PCBP3: variants seen among roughly 807,000 people sequenced by gnomAD.
PCBP3 encodes poly(rC)-binding protein 3.
In PCBP3, 25 loss-of-function variants were observed where a neutral mutation model predicts 52.7. That is an observed-to-expected ratio of 0.47 (90% CI 0.35 to 0.66). PCBP3 has a LOEUF of 0.66. Among genes scored for constraint, PCBP3 ranks in the 30% least tolerant of loss-of-function variants. The probability of loss-of-function intolerance (pLI) is 0.01; values close to 1 mark genes in which losing one functional copy is unlikely to be tolerated. For missense variants in PCBP3, 391 were observed against 490.3 expected (o/e 0.80, Z 1.91); for synonymous variants, 162 against 183.0 (o/e 0.89, Z 0.93).
At chr21:45,655,901 A>G (rs563746031) in intron 1 of PCBP3, among the ~76,000 whole-genome samples, 1 of 152,390 alleles carries the variant, frequency 6.6e-6, no homozygotes, top group Non-Finnish European at 1.5e-5. Flanking sequence ...AATGCTCATC[A>G]TAACTGGTCA....
intron 15 of PCBP3, 115 bp from the exon 16 acceptor site, chr21:45,935,138 T>G (rs2076746007): frequency 5.6e-6 from 4 of 709,982 alleles, no homozygotes; most frequent in Non-Finnish European, 9.9e-6. Context: ...ACCCTCACAC[T>G]TGGGCCAGCT....
intron 1 of PCBP3, among the ~76,000 whole-genome samples, chr21:45,652,347 A>T (rs947909920): frequency 6.6e-6 from 1 of 152,180 alleles, no homozygotes; most frequent in African/African-American, 2.4e-5. Context: ...AGCAGAATAA[A>T]ATCTTGATAA....
At chr21:45,899,663 T>G in intron 7 of PCBP3, 41 bp downstream of exon 7, 2 of 1,536,342 alleles carry the variant, frequency 1.3e-6, no homozygotes, top group Non-Finnish European at 1.8e-6. Flanking sequence ...GGGGTCTCTG[T>G]AAGGGGATGG....
rs909303657 is a variant in PCBP3 at position 45,697,411 on chromosome 21, TA to T, written c.-200+28464del. On this transcript the variant is annotated intron_variant, in intron 2 of 17. Coordinates refer to ENST00000681687, the MANE Select transcript of PCBP3 (RefSeq NM_001384156.1). ...ATACACTCACTAATAATTTAATTTT[TA>T]AAAACTTTTCCATCTTAATCATACA... Among the ~76,000 whole-genome samples the T allele has an allele frequency of 1.5e-3, 233 of 152,332 alleles. 4 individuals are homozygous for T. Among genetic ancestry groups the T allele is most frequent in the Non-Finnish European group, 8.2e-4 (56 of 68,038 alleles).
At chr21:45,691,456 ATGTGTGTGTG>A (rs60311432) in intron 2 of PCBP3, among the ~76,000 whole-genome samples, 4 of 142,358 alleles carry the variant, frequency 2.8e-5, no homozygotes, top group Non-Finnish European at 4.5e-5. Flanking sequence ...GTATGTATGT[ATGTGTGTGTG>A]TGTGTGTGTG....
At chr21:45,869,844 G>A (rs140054940) in intron 5 of PCBP3, among the ~76,000 whole-genome samples, 116 of 152,338 alleles carry the variant, frequency 7.6e-4, no homozygotes, top group Non-Finnish European at 1.2e-3. Flanking sequence ...GCATTCCCTC[G>A]CAGGCAGGGC....
At chr21:45,722,644 C>T (rs575411475) in intron 2 of PCBP3, among the ~76,000 whole-genome samples, 33 of 152,146 alleles carry the variant, frequency 2.2e-4, no homozygotes, top group Middle Eastern at 6.8e-3. Flanking sequence ...ACAAATACTA[C>T]AGATACAGAT....
chr21:45,766,075 C>A (rs2089288165), intron 4 of PCBP3, among the ~76,000 whole-genome samples: 2 of 152,224 alleles, frequency 1.3e-5, no homozygotes. Flanking sequence ...TCCTGTGGGA[C>A]TGACGTGGGT....
intron 2 of PCBP3, among the ~76,000 whole-genome samples, chr21:45,674,720 A>G (rs1436737175): frequency 6.6e-6 from 1 of 152,192 alleles, no homozygotes; most frequent in African/African-American, 2.4e-5. Context: ...TATTATTCAT[A>G]TGATTAGTGT....
intron 16 of PCBP3, among the ~76,000 whole-genome samples, chr21:45,937,968 A>G (rs911858164): frequency 2.6e-5 from 4 of 152,244 alleles, no homozygotes; most frequent in Non-Finnish European, 1.5e-5. Context: ...AGGAGGGGAA[A>G]GGCCTGTGGC....
At chr21:45,934,133 G>T (rs1314388919) in intron 15 of PCBP3, among the ~76,000 whole-genome samples, 1 of 152,090 alleles carries the variant, frequency 6.6e-6, no homozygotes, top group Non-Finnish European at 1.5e-5. Flanking sequence ...TCCCCAGTCT[G>T]GGGTATTCTG....
chr21:45,784,391 T>TACCG (rs2090904082), intron 4 of PCBP3, among the ~76,000 whole-genome samples: 1 of 113,250 alleles, frequency 8.8e-6, no homozygotes, highest in African/African-American at 3.1e-5. Flanking sequence ...TACCTCTACC[T>TACCG]CTACCGCTAC....
intron 2 of PCBP3, among the ~76,000 whole-genome samples, chr21:45,720,745 G>A (rs1569150158): frequency 6.6e-6 from 1 of 152,088 alleles, no homozygotes; most frequent in Non-Finnish European, 1.5e-5. Context: ...TACCTCTCTG[G>A]TGCAGATAAC....
At chr21:45,909,817 C>T (rs1451244206) in intron 10 of PCBP3, among the ~76,000 whole-genome samples, 3 of 71,962 alleles carry the variant, frequency 4.2e-5, no homozygotes, top group African/African-American at 1.9e-4. Flanking sequence ...TGCCCAGATA[C>T]GGACCCGGCC....
chr21:45,871,796 G>C (rs1321602718), intron 5 of PCBP3: 1 of 152,274 alleles, frequency 6.6e-6, no homozygotes, highest in Non-Finnish European at 1.5e-5. Flanking sequence ...CAGAGCCCCA[G>C]TTCCATGGAG....
chr21:45,810,806 G>A (rs2092666552), intron 4 of PCBP3, among the ~76,000 whole-genome samples: 1 of 152,226 alleles, frequency 6.6e-6, no homozygotes, highest in Admixed American at 6.5e-5. Context: ...TTCTTGTCGG[G>A]AAGGTATTTG....
At chr21:45,935,339 G>T in intron 16 of PCBP3, 34 bp downstream of exon 16, 1 of 1,529,934 alleles carries the variant, frequency 6.5e-7, no homozygotes, top group Non-Finnish European at 9.0e-7. Context: ...CTGTCCCTGG[G>T]TAGAAACACC....
chr21:45,786,409 G>A (rs1160597299), intron 4 of PCBP3, among the ~76,000 whole-genome samples: 5 of 151,890 alleles, frequency 3.3e-5, no homozygotes, highest in Admixed American at 6.6e-5. Context: ...TCCTCCCTCA[G>A]CCTCCCGAGT....
chr21:45,797,299 C>T (rs371385146), intron 4 of PCBP3, among the ~76,000 whole-genome samples: 11 of 151,340 alleles, frequency 7.3e-5, no homozygotes, highest in Admixed American at 5.3e-4. Context: ...AGAGTGAATG[C>T]GTGGATGGAC....
Sources: gnomAD v4.1 joint callset for allele counts (sites outside exome capture counted in the v4.1 genomes callset) on GRCh38, gnomAD v4.1.1 for gene constraint, MANE v1.5 for transcripts, NCBI Gene and HGNC (gene_info 2026-07-23, HGNC 2026-07-21) for gene names.